The following NKAIN2 variants were observed in gnomAD, a reference collection of about 807,000 sequenced individuals.
NKAIN2 encodes the protein sodium/potassium transporting ATPase interacting 2.
In NKAIN2, 14 loss-of-function variants were observed where a neutral mutation model predicts 32.6. That is an observed-to-expected ratio of 0.43 (90% CI 0.28 to 0.67). The LOEUF is 0.67. Among genes scored for constraint, NKAIN2 ranks in the 30% least tolerant of loss-of-function variants. The pLI is 0.17. For synonymous variants in NKAIN2, 80 were observed against 87.2 expected (o/e 0.92, Z 0.46); for missense variants, 198 against 258.3 (o/e 0.77, Z 1.60).
intron 1 of NKAIN2, among the ~76,000 whole-genome samples, chr6:123,847,908 G>C (rs74808729): frequency 0.031 from 4,727 of 152,162 alleles, 191 homozygotes; most frequent in African/African-American, 0.092. Flanking sequence ...GGGATCCACT[G>C]TGCAGTCAGG....
chr6:123,866,666 G>A (rs1047050247), intron 1 of NKAIN2, among the ~76,000 whole-genome samples: 1 of 152,112 alleles, frequency 6.6e-6, no homozygotes, highest in Non-Finnish European at 1.5e-5. Context: ...TCCTGACCTG[G>A]TGATCCACCC....
chr6:124,376,596 A>G (rs1800004730), intron 3 of NKAIN2, among the ~76,000 whole-genome samples: 1 of 152,150 alleles, frequency 6.6e-6, no homozygotes, highest in South Asian at 2.1e-4. Context: ...TTATTAAATC[A>G]GAGAACATGT....
At chr6:124,341,224 C>G (rs1436376434) in intron 2 of NKAIN2, among the ~76,000 whole-genome samples, 1 of 151,844 alleles carries the variant, frequency 6.6e-6, no homozygotes, top group African/African-American at 2.4e-5. Context: ...TGACAAAAAG[C>G]TAAGTAATAT....
chr6:124,754,216 T>C (rs1777857320), intron 4 of NKAIN2, among the ~76,000 whole-genome samples: 1 of 152,098 alleles, frequency 6.6e-6, no homozygotes, highest in Non-Finnish European at 1.5e-5. Context: ...AGCTGGTATT[T>C]ATGGATGTAA....
chr6:124,699,864 A>T (rs1774687384), intron 4 of NKAIN2, among the ~76,000 whole-genome samples: 1 of 152,168 alleles, frequency 6.6e-6, no homozygotes, highest in African/African-American at 2.4e-5. Context: ...AGATTCATGT[A>T]ATGGGAAATT....
intron 3 of NKAIN2, among the ~76,000 whole-genome samples, chr6:124,498,755 G>A (rs1049590454): frequency 6.6e-6 from 1 of 152,112 alleles, no homozygotes; most frequent in Non-Finnish European, 1.5e-5. Context: ...GTCATTGCAA[G>A]AGGGTCTTGT....
chr6:124,113,586 G>T (rs1308516573), intron 1 of NKAIN2, among the ~76,000 whole-genome samples: 1 of 152,124 alleles, frequency 6.6e-6, no homozygotes, highest in Non-Finnish European at 1.5e-5. Flanking sequence ...TTCAAGGCTA[G>T]CAAGGCAAAG....
chr6:124,378,660 T>G (rs1449094075), intron 3 of NKAIN2, among the ~76,000 whole-genome samples: 1 of 152,162 alleles, frequency 6.6e-6, no homozygotes, highest in African/African-American at 2.4e-5. Context: ...CCCTTCAGGT[T>G]AATAATTTTT....
intron 4 of NKAIN2, among the ~76,000 whole-genome samples, chr6:124,786,681 G>T (rs1053156495): frequency 1.3e-5 from 2 of 151,310 alleles, no homozygotes; most frequent in Non-Finnish European, 2.9e-5. Flanking sequence ...AAGGTGAAAA[G>T]ATAAATAAAA....
At chr6:124,563,938 C>T (rs1426552711) in intron 3 of NKAIN2, among the ~76,000 whole-genome samples, 1 of 152,058 alleles carries the variant, frequency 6.6e-6, no homozygotes, top group African/African-American at 2.4e-5. Flanking sequence ...AGTCATTATG[C>T]CAGCACATAG....
At chr6:124,171,269 G>A (rs765780573) in intron 1 of NKAIN2, among the ~76,000 whole-genome samples, 2 of 151,926 alleles carry the variant, frequency 1.3e-5, no homozygotes, top group Non-Finnish European at 2.9e-5. Context: ...AAATTTTCCC[G>A]TGTTCTGCTC....
intron 1 of NKAIN2, among the ~76,000 whole-genome samples, chr6:123,907,473 AACAG>A (rs1297497669): frequency 6.6e-6 from 1 of 152,144 alleles, no homozygotes; most frequent in African/African-American, 2.4e-5. Context: ...CAAATAAGTT[AACAG>A]ACAGACTCAT....
chr6:123,806,472 A>G (rs2114851230), intron 1 of NKAIN2, among the ~76,000 whole-genome samples: 1 of 152,212 alleles, frequency 6.6e-6, no homozygotes. Context: ...CTTTTTGGAA[A>G]TACGGTATTT....
intron 3 of NKAIN2, among the ~76,000 whole-genome samples, chr6:124,441,682 G>T (rs775923111): frequency 1.4e-4 from 21 of 152,028 alleles, no homozygotes; most frequent in Admixed American, 1.3e-4. Context: ...GAGCTGCTCT[G>T]GCTTATGTGC....
chr6:124,120,398 G>A (rs1334868838), intron 1 of NKAIN2, among the ~76,000 whole-genome samples: 2 of 152,088 alleles, frequency 1.3e-5, no homozygotes, highest in African/African-American at 2.4e-5. Context: ...GATAATAATA[G>A]TATCAAGAGT....
chr6:124,466,369 T>C (rs967896029), intron 3 of NKAIN2, among the ~76,000 whole-genome samples: 2 of 152,102 alleles, frequency 1.3e-5, no homozygotes, highest in Non-Finnish European at 2.9e-5. Context: ...GGAGCTGGAT[T>C]TTATTTTTTT....
rs144747410 is a variant in NKAIN2 at position 124,082,106 on chromosome 6, G to A, written c.55-200899G>A. Among the ~76,000 whole-genome samples the A allele has an allele frequency of 2.4e-4, 36 of 152,108 alleles. No individual in the cohort carries two copies. In the East Asian group the frequency reaches 6.2e-3, roughly 26 times the overall value. On this transcript the variant is annotated intron_variant, in intron 1 of 6. Transcript: ENST00000368417. ...AATAACCCAAGCCTAGAAACTTGGC[G>A]CATGGGTGGCATGATGGAAACCATA...
intron 4 of NKAIN2, among the ~76,000 whole-genome samples, chr6:124,755,950 G>A (rs1370712716): frequency 6.6e-6 from 1 of 151,986 alleles, no homozygotes; most frequent in Non-Finnish European, 1.5e-5. Context: ...AATGCACTCT[G>A]GCTAAAGACT....
chr6:124,221,569 A>G (rs1554268498), intron 1 of NKAIN2, among the ~76,000 whole-genome samples: 2 of 151,936 alleles, frequency 1.3e-5, no homozygotes, highest in Non-Finnish European at 1.5e-5. Context: ...TAAGAGAGAG[A>G]AAAAAAAGAA....
Sources: gnomAD v4.1 joint callset for allele counts (sites outside exome capture counted in the v4.1 genomes callset) on GRCh38, gnomAD v4.1.1 for gene constraint, MANE v1.5 for transcripts, NCBI Gene and HGNC (gene_info 2026-07-23, HGNC 2026-07-21) for gene names.